Variants in OIP5 observed in about 807,000 individuals in gnomAD.
OIP5 encodes the protein protein Mis18-beta.
OIP5 carries 24 observed loss-of-function variants against 20.3 expected under a neutral mutation model. That is an observed-to-expected ratio of 1.18 (90% confidence interval 0.86 to 1.66). The LOEUF (loss-of-function observed/expected upper bound fraction) is 1.66, where lower values mean the gene tolerates loss of function less well. OIP5 is among the 40% of genes most tolerant of loss of function. The pLI is 0.00. For missense variants in OIP5, 339 were observed against 289.5 expected, an observed-to-expected ratio of 1.17 and a Z score of -1.24; for synonymous variants, 143 against 121.3, an observed-to-expected ratio of 1.18 and a Z score of -1.17.
At chr15:41,310,843 T>C (rs1349335879) in intron 4 of OIP5, among the ~76,000 whole-genome samples, 1 of 152,220 alleles carries the variant, frequency 6.6e-6, no homozygotes, top group East Asian at 1.9e-4. Context: ...AACATTCTAC[T>C]AATGGTCTGC....
Position 41,311,941 on chromosome 15 carries a change from G to A in OIP5, c.594+1332C>T, listed in dbSNP as rs1475841410. ...AAGCTCTCGGCTCACTGCAACCTCT[G>A]CCTCCCAGGTTCAAGCGATTCTCCT... On this transcript the variant is annotated intron_variant, in intron 4 of 4. Transcript: ENST00000220514. Among the ~76,000 whole-genome samples, 93 of 140,364 alleles carry A rather than the reference G, an allele frequency of 6.6e-4. 9 individuals are homozygous for A. The highest frequency in any genetic ancestry group is 7.1e-3 in the Middle Eastern group (2 of 280). The allele number at this position is 140,364 out of a possible 152,430, so 92.1% of individuals were successfully genotyped here.
chr15:41,311,422 T>C (rs908709337), intron 4 of OIP5, among the ~76,000 whole-genome samples: 4 of 151,314 alleles, frequency 2.6e-5, no homozygotes, highest in African/African-American at 7.3e-5. Flanking sequence ...CAAAAATAAA[T>C]AAACAAATAA....
intron 3 of OIP5, 113 bp downstream of exon 3, chr15:41,319,545 T>C (rs945988142): frequency 1.3e-5 from 14 of 1,097,196 alleles, no homozygotes; most frequent in African/African-American, 1.6e-5. Flanking sequence ...TAAGCCACTG[T>C]GCTCAGCCTA....
rs569126241 is a variant in OIP5 at position 41,329,827 on chromosome 15, A to C, written c.389+2088T>G. Among the ~76,000 whole-genome samples, 370 of 151,676 alleles carry C rather than the reference A, an allele frequency of 2.4e-3. 1 individual carries two copies. Among genetic ancestry groups the C allele is most frequent in the Middle Eastern group, 0.01 (3 of 294 alleles). Reference sequence around the variant, plus strand: ...AGCAATTCTCTGCCTCAGTCTCCCAAGTAGCTGGGATTACAGGCGCCCGCC... The same window carrying C: ...AGCAATTCTCTGCCTCAGTCTCCCACGTAGCTGGGATTACAGGCGCCCGCC... On this transcript the variant is annotated intron_variant, in intron 2 of 4. Coordinates refer to ENST00000220514, the MANE Select transcript of OIP5 (RefSeq NM_007280.2).
intron 2 of OIP5, among the ~76,000 whole-genome samples, chr15:41,321,582 A>G (rs1366431057): frequency 1.3e-5 from 2 of 152,174 alleles, no homozygotes; most frequent in African/African-American, 4.8e-5. Context: ...TGTACTAAGA[A>G]AAATTCTTCT....
At chr15:41,328,788 G>A (rs543755810) in intron 2 of OIP5, among the ~76,000 whole-genome samples, 8 of 152,078 alleles carry the variant, frequency 5.3e-5, no homozygotes, top group Admixed American at 2.6e-4. Flanking sequence ...GGCCTGGTGC[G>A]GTGGCTCACA....
chr15:41,332,185 G>C, intron 1 of OIP5, 55 bp downstream of exon 1: 2 of 1,509,154 alleles, frequency 1.3e-6, no homozygotes, highest in Non-Finnish European at 1.8e-6. Context: ...TGGAGAAAGC[G>C]GGAACACCCT....
rs149204615 is a variant in OIP5, at chr15:41,319,064, T to C, written c.512+594A>G. 2.0e-3 allele frequency among the ~76,000 whole-genome samples: 309 copies of C among 151,914 alleles called. 8 individuals carry two copies. In the East Asian group the frequency reaches 0.055, roughly 27 times the overall value. On this transcript the variant is annotated intron_variant, in intron 3 of 4. Transcript: ENST00000220514. The stretch of plus-strand genomic sequence containing the variant: ...TAGCATCTTTTTGGTACAAACACTT[T>C]GTCTTTTTTCTTTTTTTTTTTTTTG...
chr15:41,332,552 G>A lies in OIP5; in HGVS notation c.10C>T (p.Gln4Ter). The change falls in exon 1 of 5, where the codon CAG becomes TAG. Residue 4 changes from glutamine to a stop codon, truncating the protein, a stop_gained. Transcript: ENST00000220514. LOFTEE classifies it high-confidence loss of function. MAA[Q>*]PLRHRSRCAT... ...CAACGTGAGCGATGCCGCAGCGGCT[G>A]AGCCGCCATCTTCCCGCAGCCGGCG... 5 of 1,602,218 alleles carry A rather than the reference G, an allele frequency of 3.1e-6. No individual in the cohort carries two copies. Among genetic ancestry groups the A allele is most frequent in the Non-Finnish European group, 4.3e-6 (5 of 1,174,868 alleles).
intron 2 of OIP5, among the ~76,000 whole-genome samples, chr15:41,320,455 T>C (rs1176295107): frequency 6.6e-6 from 1 of 152,206 alleles, no homozygotes; most frequent in South Asian, 2.1e-4. Flanking sequence ...TTTTCATATT[T>C]TTTTGGTGGA....
intron 2 of OIP5, among the ~76,000 whole-genome samples, chr15:41,325,953 G>A (rs562059566): frequency 1.3e-5 from 2 of 151,984 alleles, no homozygotes; most frequent in Non-Finnish European, 2.9e-5. Flanking sequence ...CTTGAGGTCA[G>A]GAGTTCAGGA....
intron 1 of OIP5, 28 bp from the exon 2 acceptor site, chr15:41,332,009 C>T: frequency 1.2e-6 from 2 of 1,608,970 alleles, no homozygotes. Flanking sequence ...GGTCAGAACC[C>T]ATACTCTGCG....
rs1179973131 is a variant in OIP5, at chr15:41,332,413, A to G, written c.149T>C (p.Leu50Pro). The part of the protein sequence containing the change: ...DTQVVKGSSP[L>P]GPAGLGAEEP... ...CTCAGCCCCCAGCCCTGCGGGGCCG[A>G]GCGGCGAGGACCCCTTCACCACCTG... The change falls in exon 1 of 5, where the codon CTC becomes CCC. Residue 50 changes from leucine to proline, a missense_variant. By Grantham distance (98) the Leu-to-Pro change is moderately conservative. Transcript: ENST00000220514. 3.1e-6 allele frequency: 5 copies of G among 1,613,880 alleles called. No individual in the cohort carries two copies. Among genetic ancestry groups the G allele is most frequent in the Non-Finnish European group, 4.2e-6 (5 of 1,179,874 alleles).
intron 4 of OIP5, among the ~76,000 whole-genome samples, chr15:41,310,076 G>A (rs2047745217): frequency 6.6e-6 from 1 of 152,062 alleles, no homozygotes; most frequent in African/African-American, 2.4e-5. Flanking sequence ...GTCTTGCTTT[G>A]TTGCCCAGGC....
chr15:41,326,782 A>G (rs1451211056), intron 2 of OIP5, among the ~76,000 whole-genome samples: 1 of 152,098 alleles, frequency 6.6e-6, no homozygotes, highest in Non-Finnish European at 1.5e-5. Flanking sequence ...ATCCGTGCTG[A>G]GCTGCTTTGG....
intron 4 of OIP5, among the ~76,000 whole-genome samples, chr15:41,312,733 A>G (rs1324266386): frequency 2.0e-5 from 3 of 148,386 alleles, no homozygotes; most frequent in African/African-American, 5.0e-5. Flanking sequence ...AGTTCAAGCA[A>G]TTCTCCTGCC....
intron 3 of OIP5, among the ~76,000 whole-genome samples, chr15:41,319,083 T>A (rs2047805968): frequency 6.6e-6 from 1 of 151,750 alleles, no homozygotes; most frequent in Non-Finnish European, 1.5e-5. Context: ...TCTTTTTTTT[T>A]TTTTTGAGAC....
intron 4 of OIP5, among the ~76,000 whole-genome samples, chr15:41,312,572 G>A (rs1266273646): frequency 8.6e-5 from 13 of 150,912 alleles, no homozygotes; most frequent in Non-Finnish European, 1.5e-4. Context: ...CGATTCTCCT[G>A]CCTCAGTCTC....
At chr15:41,315,780 G>A (rs1157911724) in intron 3 of OIP5, among the ~76,000 whole-genome samples, 1 of 152,066 alleles carries the variant, frequency 6.6e-6, no homozygotes, top group African/African-American at 2.4e-5. Flanking sequence ...AAAAAGATGT[G>A]GGATTACTAA....
Sources: gnomAD v4.1 joint callset for allele counts (sites outside exome capture counted in the v4.1 genomes callset) on GRCh38, gnomAD v4.1.1 for gene constraint, MANE v1.5 for transcripts, NCBI Gene and HGNC (gene_info 2026-07-23, HGNC 2026-07-21) for gene names.